The following MAP2K5 variants were observed in gnomAD, a reference collection of about 807,000 sequenced individuals.
MAP2K5 encodes the protein mitogen-activated protein kinase kinase 5.
In MAP2K5, 49 loss-of-function variants were observed where a neutral mutation model predicts 83.1. The observed-to-expected ratio is 0.59, with a 90% CI of 0.47 to 0.75. The LOEUF (loss-of-function observed/expected upper bound fraction) is 0.75. MAP2K5 is among the 30% of genes least tolerant of loss of function. The pLI, the probability that MAP2K5 is intolerant of heterozygous loss-of-function variation, is 0.00. For missense variants in MAP2K5, 457 were observed against 557.5 expected (o/e 0.82, Z 1.82); for synonymous variants, 202 against 191.8 (o/e 1.05, Z -0.44).
chr15:67,678,042 C>A (rs4356423), intron 13 of MAP2K5, among the ~76,000 whole-genome samples: 124,401 of 152,158 alleles, frequency 0.82, 51,025 homozygotes, highest in Admixed American at 0.88. Context: ...TTTTATATTG[C>A]AATGTGGTTT....
At chr15:67,553,096 T>G (rs970565977) in intron 2 of MAP2K5, among the ~76,000 whole-genome samples, 4 of 152,200 alleles carry the variant, frequency 2.6e-5, no homozygotes, top group Non-Finnish European at 5.9e-5. Context: ...GCTTGCTCTG[T>G]GCCAGGCAGT....
At chr15:67,725,770 C>G (rs1476582450) in intron 16 of MAP2K5, among the ~76,000 whole-genome samples, 1 of 152,190 alleles carries the variant, frequency 6.6e-6, no homozygotes, top group Non-Finnish European at 1.5e-5. Flanking sequence ...CAGACTGTTG[C>G]AAATGCCTAG....
intron 12 of MAP2K5, among the ~76,000 whole-genome samples, chr15:67,662,159 G>A (rs922420399): frequency 1.3e-5 from 2 of 152,010 alleles, no homozygotes; most frequent in Non-Finnish European, 2.9e-5. Context: ...TCTTTCAGGA[G>A]CACATTGCAC....
At chr15:67,765,418 A>G (rs1373449044) in intron 19 of MAP2K5, among the ~76,000 whole-genome samples, 1 of 152,194 alleles carries the variant, frequency 6.6e-6, no homozygotes, top group East Asian at 1.9e-4. Flanking sequence ...ATTGTCATAG[A>G]TACAAGACAC....
intron 13 of MAP2K5, among the ~76,000 whole-genome samples, chr15:67,692,206 C>G (rs895742264): frequency 6.6e-6 from 1 of 152,102 alleles, no homozygotes; most frequent in Non-Finnish European, 1.5e-5. Context: ...GGTGTATTTA[C>G]TGTTGTTGTA....
At position 67,630,891 on chromosome 15, in the gene MAP2K5, A is replaced by G. The variant is rs750411619; in HGVS notation, c.549A>G (p.Ala183=). 3 of 1,609,746 alleles carry G rather than the reference A, an allele frequency of 1.9e-6. No homozygotes were observed. Among genetic ancestry groups the G allele is most frequent in the African/African-American group, 1.3e-5 (1 of 74,716 alleles). Residue 183 remains alanine (A), a synonymous_variant, in exon 9 of 22, where the codon GCA becomes GCG. Transcript: ENST00000178640. ...TTGTTTTTTTTTCTTCCCATAGAGCATATCATGTCCCGAGTGGGAAAATAT... is the reference window on the plus strand; with the variant it reads ...TTGTTTTTTTTTCTTCCCATAGAGCGTATCATGTCCCGAGTGGGAAAATAT... ...GHGNGGTVYK[A]YHVPSGKILA... is the part of the protein sequence containing the mutation.
Position 67,727,875 on chromosome 15 carries a change from A to G in MAP2K5, c.1045-41A>G, listed in dbSNP as rs1157446277. 2.7e-6 allele frequency: 4 copies of G among 1,504,580 alleles called. No individual in the cohort carries two copies. The Admixed American group carries it at 5.0e-5, about 19-fold the overall frequency. 93.2% of individuals were successfully genotyped at this position (1,504,580 alleles called of 1,614,324 possible). A position where few individuals can be genotyped will look rare whatever the true frequency, so the allele number is the denominator to read the frequency against. On this transcript the variant is annotated intron_variant, in intron 16 of 21. Coordinates refer to ENST00000178640, the MANE Select transcript of MAP2K5 (RefSeq NM_145160.3). ...TCTGTCTTAAGGAGATCTGCCCTGC[A>G]TGCAAATCTATAACTAGACAAATAT...
chr15:67,745,488 A>G (rs1429376050), intron 17 of MAP2K5, among the ~76,000 whole-genome samples: 2 of 152,246 alleles, frequency 1.3e-5, no homozygotes, highest in African/African-American at 4.8e-5. Context: ...GATCTGTTTT[A>G]TGGTTGCTGT....
chr15:67,622,267 A>G (rs1328135842), intron 8 of MAP2K5, among the ~76,000 whole-genome samples: 5 of 152,136 alleles, frequency 3.3e-5, no homozygotes, highest in African/African-American at 4.8e-5. Flanking sequence ...CAAACCAGGT[A>G]TATATTGGAG....
At chr15:67,704,530 T>A (rs1344463755) in intron 16 of MAP2K5, among the ~76,000 whole-genome samples, 3 of 152,224 alleles carry the variant, frequency 2.0e-5, no homozygotes, top group Non-Finnish European at 2.9e-5. Flanking sequence ...ATTGTATTTG[T>A]AAGGAAATAA....
At chr15:67,548,931 T>A in intron 1 of MAP2K5, 7 of 898,466 alleles carry the variant, frequency 7.8e-6, no homozygotes, top group Non-Finnish European at 9.3e-6. Flanking sequence ...AAAAAAGCAC[T>A]ATAGAGGCAA....
At chr15:67,705,361 G>A (rs1347594199) in intron 16 of MAP2K5, among the ~76,000 whole-genome samples, 1 of 152,160 alleles carries the variant, frequency 6.6e-6, no homozygotes, top group African/African-American at 2.4e-5. Context: ...AAGGGCTGGG[G>A]CATGAGGGGA....
rs142129671 is a variant in MAP2K5 at position 67,573,422 on chromosome 15, C to A, written c.253-7332C>A. 2.0e-5 allele frequency among the ~76,000 whole-genome samples: 3 copies of A among 152,174 alleles called. No homozygotes were observed. The highest frequency in any genetic ancestry group is 7.2e-5 in the African/African-American group (3 of 41,508). On this transcript the variant is annotated intron_variant, in intron 3 of 21. Coordinates refer to ENST00000178640, the MANE Select transcript of MAP2K5 (RefSeq NM_145160.3). The surrounding 1 kb of genome is among the most constrained non-coding windows in gnomAD (Gnocchi z 4.2). ...GTAGAGGGTGGGGCGGGAGTTGCCA[C>A]ACACTTTTAAACCATCAGATCTCGT...
At chr15:67,623,897 A>G (rs562781653) in intron 8 of MAP2K5, among the ~76,000 whole-genome samples, 1 of 149,958 alleles carries the variant, frequency 6.7e-6, no homozygotes, top group Admixed American at 6.7e-5. Flanking sequence ...GCCCCCGGCT[A>G]CTTCCTACCT....
At chr15:67,705,435 G>A (rs1555543985) in intron 16 of MAP2K5, among the ~76,000 whole-genome samples, 2 of 150,436 alleles carry the variant, frequency 1.3e-5, no homozygotes, top group Non-Finnish European at 3.0e-5. Context: ...TCCCATGGAG[G>A]AAAAAAAAAG....
intron 8 of MAP2K5, among the ~76,000 whole-genome samples, chr15:67,614,979 A>G (rs1393705802): frequency 6.6e-6 from 1 of 151,142 alleles, no homozygotes; most frequent in Non-Finnish European, 1.5e-5. Context: ...CCTAAACAGT[A>G]TGAGGGGCTC....
intron 8 of MAP2K5, among the ~76,000 whole-genome samples, chr15:67,608,322 T>C (rs2085827399): frequency 6.6e-6 from 1 of 152,140 alleles, no homozygotes; most frequent in Non-Finnish European, 1.5e-5. Context: ...GAGAGAATAA[T>C]GAGGGATTGG....
intron 7 of MAP2K5, among the ~76,000 whole-genome samples, chr15:67,597,059 C>G (rs2085542799): frequency 6.6e-6 from 1 of 151,880 alleles, no homozygotes; most frequent in Admixed American, 6.6e-5. Flanking sequence ...GTCCCAGCTA[C>G]TCAGGAGGCT....
chr15:67,581,840 A>G (rs984722283), intron 4 of MAP2K5, among the ~76,000 whole-genome samples: 2 of 152,152 alleles, frequency 1.3e-5, no homozygotes, highest in Admixed American at 1.3e-4. Flanking sequence ...CTCTTCCAGC[A>G]TATGTGTGGG....
Sources: gnomAD v4.1 joint callset for allele counts (sites outside exome capture counted in the v4.1 genomes callset) on GRCh38, gnomAD v4.1.1 for gene constraint, Gnocchi (gnomAD v3.1) non-coding constraint, MANE v1.5 for transcripts, NCBI Gene and HGNC (gene_info 2026-07-23, HGNC 2026-07-21) for gene names.